The following GABRR3 variants were observed in gnomAD, a reference collection of about 807,000 sequenced individuals.
The protein encoded by GABRR3 is gamma-aminobutyric acid type A receptor subunit rho3.
Under a neutral mutation model 43.2 loss-of-function variants are expected in GABRR3, and 29 were observed. That is an observed-to-expected ratio of 0.67 (90% confidence interval 0.50 to 0.92). The LOEUF (loss-of-function observed/expected upper bound fraction) is 0.92. Among genes scored for constraint, GABRR3 ranks in the 40% least tolerant of loss-of-function variants. GABRR3 has a pLI of 0.00. For missense variants in GABRR3, 576 were observed against 572.3 expected, an observed-to-expected ratio of 1.01 and a Z score of -0.07; for synonymous variants, 206 against 195.9, an observed-to-expected ratio of 1.05 and a Z score of -0.43.
intron 4 of GABRR3, 84 bp from the exon 5 acceptor site, chr3:98,012,651 A>G: frequency 1.1e-6 from 1 of 878,440 alleles, no homozygotes; most frequent in South Asian, 1.5e-5. Flanking sequence ...CCCAGGACTC[A>G]TTCCTATGGT....
chr3:98,001,838 C>A, intron 7 of GABRR3, 71 bp from the exon 8 acceptor site: 1 of 1,549,508 alleles, frequency 6.5e-7, no homozygotes, highest in Admixed American at 1.7e-5. Flanking sequence ...GTGAAATGAC[C>A]TGCTTCTTTA....
At chr3:98,014,880 T>C (rs1706855053) in intron 4 of GABRR3, among the ~76,000 whole-genome samples, 1 of 152,338 alleles carries the variant, frequency 6.6e-6, no homozygotes, top group East Asian at 1.9e-4. Flanking sequence ...TTATCTTTAA[T>C]TGCAGTATTT....
chr3:98,029,349 T>C (rs1707058758), intron 2 of GABRR3, among the ~76,000 whole-genome samples: 1 of 152,104 alleles, frequency 6.6e-6, no homozygotes, highest in Non-Finnish European at 1.5e-5. Context: ...ACTGTAATTG[T>C]GTGACAAAGA....
chr3:97,990,777 G>A (rs147157860), intron 9 of GABRR3, among the ~76,000 whole-genome samples: 1 of 151,038 alleles, frequency 6.6e-6, no homozygotes, highest in East Asian at 1.9e-4. Flanking sequence ...TGGTTTCCAG[G>A]GCCTGGGGGG....
At chr3:98,033,368 C>T (rs1308603084) in intron 2 of GABRR3, among the ~76,000 whole-genome samples, 1 of 152,130 alleles carries the variant, frequency 6.6e-6, no homozygotes, top group Non-Finnish European at 1.5e-5. Context: ...CTCTAAAATT[C>T]TTCTTTTCCT....
downstream of GABRR3, among the ~76,000 whole-genome samples, chr3:97,985,726 C>T (rs993314548): frequency 2.6e-4 from 40 of 152,134 alleles, no homozygotes; most frequent in African/African-American, 8.9e-4. Context: ...ACATGATCTA[C>T]AAAATGCGAG....
At chr3:98,014,507 A>C (rs1322525828) in intron 4 of GABRR3, among the ~76,000 whole-genome samples, 7 of 152,220 alleles carry the variant, frequency 4.6e-5, no homozygotes, top group African/African-American at 1.4e-4. Context: ...AAATCTTCTA[A>C]ACCAATCTTT....
chr3:98,010,642 G>A (rs1220512559), intron 5 of GABRR3, among the ~76,000 whole-genome samples: 1 of 152,208 alleles, frequency 6.6e-6, no homozygotes, highest in African/African-American at 2.4e-5. Flanking sequence ...TTCCTGGAAT[G>A]TGCAGGGTAA....
At chr3:98,034,941 A>G (rs1707133252) in exon 2 of GABRR3, 1 of 1,612,932 alleles carries the variant, frequency 6.2e-7, no homozygotes, top group African/African-American at 1.3e-5. Context: ...TGGTTTCAAT[A>G]TGATCCAGAT....
rs770916263 is a variant in GABRR3 at position 98,034,977 on chromosome 3, G to T, written c.11C>A (p.Ala4Asp). The T allele has an allele frequency of 5.6e-6, 9 of 1,612,242 alleles. No individual in the cohort carries two copies. The highest frequency in any genetic ancestry group is 7.6e-6 in the Non-Finnish European group (9 of 1,178,988). Residue 4 changes from alanine (A) to aspartate (D), a missense_variant, in exon 2 of 10, where the codon GCT becomes GAT. Coordinates refer to ENST00000621172, the Ensembl canonical transcript of GABRR3. ...GTAGGTGAAGGAGACTAACTGGAAAGCCAGGACCATCTCTTCCAAAACAAA... is the reference window on the plus strand; with the variant it reads ...GTAGGTGAAGGAGACTAACTGGAAATCCAGGACCATCTCTTCCAAAACAAA...
At chr3:97,993,606 T>C (rs1183030553) in intron 8 of GABRR3, among the ~76,000 whole-genome samples, 1 of 152,222 alleles carries the variant, frequency 6.6e-6, no homozygotes, top group African/African-American at 2.4e-5. Context: ...CGATTGTTAA[T>C]GAAACTACAG....
chr3:97,992,651 A>G (rs1706486155), intron 9 of GABRR3, among the ~76,000 whole-genome samples: 3 of 152,160 alleles, frequency 2.0e-5, no homozygotes, highest in African/African-American at 7.2e-5. Context: ...CTCCTGATGA[A>G]GGTGAGTGAG....
At chr3:97,988,739 T>C (rs1706419991) in intron 9 of GABRR3, among the ~76,000 whole-genome samples, 1 of 148,994 alleles carries the variant, frequency 6.7e-6, no homozygotes, top group Admixed American at 6.7e-5. Context: ...GTGGTAGGTA[T>C]TGGTGTCTGG....
intron 3 of GABRR3, among the ~76,000 whole-genome samples, chr3:98,024,677 T>A (rs1706990484): frequency 6.6e-6 from 1 of 152,128 alleles, no homozygotes; most frequent in Admixed American, 6.6e-5. Context: ...ACTTCCCTCA[T>A]CTCCACATCT....
At chr3:97,995,790 T>G (rs114421908) in intron 8 of GABRR3, among the ~76,000 whole-genome samples, 1 of 152,144 alleles carries the variant, frequency 6.6e-6, no homozygotes, top group Non-Finnish European at 1.5e-5. Context: ...ACAAATAGTA[T>G]TCCTTCCAAA....
intron 4 of GABRR3, among the ~76,000 whole-genome samples, chr3:98,017,241 C>G (rs562028641): frequency 1.6e-4 from 25 of 152,276 alleles, no homozygotes; most frequent in African/African-American, 5.8e-4. Flanking sequence ...AAATTAATAT[C>G]ATTTGATATA....
At chr3:97,992,702 A>T in intron 9 of GABRR3, 150 bp downstream of exon 9, 2 of 635,028 alleles carry the variant, frequency 3.1e-6, no homozygotes. Context: ...GTAAGGTTCA[A>T]TGTTAAATTG....
intron 4 of GABRR3, among the ~76,000 whole-genome samples, chr3:98,014,612 T>C (rs770784915): frequency 6.6e-6 from 1 of 152,190 alleles, no homozygotes; most frequent in African/African-American, 2.4e-5. Flanking sequence ...AATATTGAAT[T>C]AGATAATGAT....
chr3:97,993,033 A>G (rs1706491010), exon 9 of GABRR3: 2 of 1,601,356 alleles, frequency 1.2e-6, no homozygotes, highest in Non-Finnish European at 1.7e-6. Context: ...GGACATGGTC[A>G]GCACTGTGGT....
Sources: gnomAD v4.1 joint callset for allele counts (sites outside exome capture counted in the v4.1 genomes callset) on GRCh38, gnomAD v4.1.1 for gene constraint, MANE v1.5 for transcripts, NCBI Gene and HGNC (gene_info 2026-07-23, HGNC 2026-07-21) for gene names.